Variants in SLAIN2 observed in about 807,000 individuals in gnomAD.
SLAIN2 encodes the protein SLAIN family member 2.
SLAIN2 carries 31 observed loss-of-function variants against 56.6 expected under a neutral mutation model. The ratio of observed to expected loss-of-function variants is 0.55; its 90% confidence interval spans 0.41 to 0.74. The LOEUF (loss-of-function observed/expected upper bound fraction) is 0.74. SLAIN2 is among the 30% of genes least tolerant of loss of function. SLAIN2 has a pLI of 0.00. For synonymous variants in SLAIN2, 317 were observed against 284.9 expected, an observed-to-expected ratio of 1.11 and a Z score of -1.13; for missense variants, 777 against 754.2, an observed-to-expected ratio of 1.03 and a Z score of -0.35.
chr4:48,351,004 A>T (rs536270090), intron 1 of SLAIN2, among the ~76,000 whole-genome samples: 4 of 152,354 alleles, frequency 2.6e-5, no homozygotes, highest in Admixed American at 6.5e-5. Flanking sequence ...ATTCATGAGG[A>T]TGAATCAAAT....
chr4:48,410,347 C>T (rs962208068), intron 6 of SLAIN2, among the ~76,000 whole-genome samples: 3 of 151,366 alleles, frequency 2.0e-5, no homozygotes, highest in African/African-American at 7.3e-5. Context: ...CATATCAGAT[C>T]CATGATTTGT....
intron 6 of SLAIN2, among the ~76,000 whole-genome samples, chr4:48,397,418 G>A (rs1716429493): frequency 6.6e-6 from 1 of 152,148 alleles, no homozygotes; most frequent in African/African-American, 2.4e-5. Context: ...GATGGTAATT[G>A]TTTAATACTC....
At chr4:48,417,990 A>AGTGT (rs371071076) in intron 6 of SLAIN2, among the ~76,000 whole-genome samples, 6 of 151,896 alleles carry the variant, frequency 4.0e-5, no homozygotes, top group East Asian at 3.9e-4. Context: ...TATTTCTAGA[A>AGTGT]GTGTGTGTGT....
intron 1 of SLAIN2, among the ~76,000 whole-genome samples, chr4:48,363,381 G>T (rs1715387795): frequency 1.3e-5 from 1 of 78,440 alleles, no homozygotes; most frequent in Non-Finnish European, 3.0e-5. Flanking sequence ...GCGGCTGGCC[G>T]GGCGGGGGGG....
rs1208691455 is a variant in SLAIN2, at chr4:48,377,904, A to C, written c.547A>C (p.Arg183=). ...KLDQTMSALK[R]QNLYNNPFNS... ...CCTTCTCATTAATGCAGCTCTCAAG[A>C]GGCAGAATTTATATAATAATCCTTT... Residue 183 remains arginine (R), a synonymous_variant, in exon 3 of 8, where the codon AGG becomes CGG. Transcript: ENST00000264313. 1 of 1,613,214 alleles carries C rather than the reference A, an allele frequency of 6.2e-7. No individual in the cohort carries two copies. Among genetic ancestry groups the C allele is most frequent in the Admixed American group, 1.7e-5 (1 of 59,734 alleles).
intron 1 of SLAIN2, among the ~76,000 whole-genome samples, chr4:48,362,469 AGTGCAGTGGCTCAGTCTT>A (rs979998047): frequency 3.7e-5 from 5 of 134,916 alleles, no homozygotes; most frequent in Non-Finnish European, 7.7e-5. Context: ...CCCAGGGTGG[AGTGCAGTGGCTCAGTCTT>A]GGGTCACTAC....
intron 2 of SLAIN2, among the ~76,000 whole-genome samples, chr4:48,373,437 G>A (rs558733209): frequency 2.0e-5 from 3 of 152,020 alleles, no homozygotes; most frequent in Non-Finnish European, 4.4e-5. Context: ...TTTATATGGT[G>A]TCTAGTATCA....
chr4:48,419,166 G>A (rs574808451), intron 6 of SLAIN2, among the ~76,000 whole-genome samples: 4 of 151,260 alleles, frequency 2.6e-5, no homozygotes, highest in Admixed American at 6.6e-5. Flanking sequence ...GCAGTACCGC[G>A]ATCCCCGCTT....
intron 7 of SLAIN2, among the ~76,000 whole-genome samples, chr4:48,420,937 C>T (rs1010807094): frequency 1.3e-5 from 2 of 152,062 alleles, no homozygotes; most frequent in Non-Finnish European, 2.9e-5. Flanking sequence ...GAGAGTCTAA[C>T]TTAGTAGATC....
In SLAIN2 at chr4:48,383,468, C is replaced by T. The variant is rs559389097; in HGVS notation, c.1223-179C>T. On this transcript the variant is annotated intron_variant, in intron 5 of 7. Coordinates refer to ENST00000264313, the MANE Select transcript of SLAIN2 (RefSeq NM_020846.2). ...TCTTTAAGTGTTCTCTTATTCTACC[C>T]ACTTAACAGATCCTAGATCGAGTTG... 2.6e-5 allele frequency among the ~76,000 whole-genome samples: 4 copies of T among 151,978 alleles called. No individual in the cohort carries two copies. The East Asian group carries it at 7.7e-4, about 29-fold the overall frequency.
At chr4:48,362,613 G>T (rs750456151) in intron 1 of SLAIN2, among the ~76,000 whole-genome samples, 3 of 135,530 alleles carry the variant, frequency 2.2e-5, no homozygotes, top group Non-Finnish European at 3.1e-5. Context: ...TAGAAACAGG[G>T]TTTCACCGTG....
intron 6 of SLAIN2, among the ~76,000 whole-genome samples, chr4:48,384,659 G>A (rs1041794677): frequency 3.3e-5 from 5 of 152,060 alleles, no homozygotes; most frequent in African/African-American, 1.2e-4. Flanking sequence ...AATAAGTTTT[G>A]GTCATTGGGT....
At chr4:48,385,766 G>A (rs755641607) in intron 6 of SLAIN2, among the ~76,000 whole-genome samples, 3 of 151,364 alleles carry the variant, frequency 2.0e-5, no homozygotes, top group Non-Finnish European at 4.4e-5. Context: ...GACCACAGGC[G>A]TGCACCACCA....
At position 48,422,265 on chromosome 4, in the gene SLAIN2, A is replaced by G; in HGVS notation, c.*188A>G. 1 of 546,490 alleles carries G rather than the reference A, an allele frequency of 1.8e-6. No individual in the cohort carries two copies. Among genetic ancestry groups the G allele is most frequent in the South Asian group, 2.5e-5 (1 of 40,744 alleles). The allele number at this position is 546,490 out of a possible 1,614,324, so 33.9% of individuals were successfully genotyped here. ...GCACTTTAATGACATTTAACATCAG[A>G]TGTGTTTGGTAATCATACAATCACT... On this transcript the variant is annotated 3_prime_UTR_variant, in exon 8 of 8. Coordinates refer to ENST00000264313, the MANE Select transcript of SLAIN2 (RefSeq NM_020846.2).
intron 2 of SLAIN2, among the ~76,000 whole-genome samples, chr4:48,373,774 C>T (rs1178043788): frequency 6.6e-6 from 1 of 151,656 alleles, no homozygotes; most frequent in East Asian, 1.9e-4. Context: ...GGCGCAGTGG[C>T]TTACACCTGT....
intron 1 of SLAIN2, among the ~76,000 whole-genome samples, chr4:48,357,104 AG>A (rs1272079435): frequency 6.6e-6 from 1 of 150,874 alleles, no homozygotes; most frequent in Non-Finnish European, 1.5e-5. Flanking sequence ...TCTAAAAACC[AG>A]AAGAACATAT....
chr4:48,401,922 T>C (rs997308664), intron 6 of SLAIN2, among the ~76,000 whole-genome samples: 47 of 152,336 alleles, frequency 3.1e-4, no homozygotes, highest in African/African-American at 1.1e-3. Context: ...TTCCTTTCCA[T>C]ATTTAGTGCT....
chr4:48,416,466 A>G (rs1716997284), intron 6 of SLAIN2, among the ~76,000 whole-genome samples: 1 of 136,966 alleles, frequency 7.3e-6, no homozygotes, highest in South Asian at 2.7e-4. Context: ...TTGGGCTGAG[A>G]CGATGGGGTT....
chr4:48,363,948 A>G (rs1715427832), intron 1 of SLAIN2, among the ~76,000 whole-genome samples: 1 of 112,078 alleles, frequency 8.9e-6, no homozygotes, highest in Admixed American at 8.4e-5. Context: ...TCCCTCCCGG[A>G]CGGGGCGGCT....
Sources: allele counts gnomAD v4.1 joint callset (sites outside exome capture counted in the v4.1 genomes callset), GRCh38; gene constraint gnomAD v4.1.1; transcripts MANE v1.5; gene names NCBI Gene and HGNC (gene_info 2026-07-23, HGNC 2026-07-21).